SPATA6L: variants seen among roughly 807,000 people sequenced by gnomAD.
The protein encoded by SPATA6L is spermatogenesis associated 6 like.
Under a neutral mutation model 49.2 loss-of-function variants are expected in SPATA6L, and 68 were observed. The ratio of observed to expected loss-of-function variants is 1.38; its 90% CI spans 1.14 to 1.69. The LOEUF is 1.69. Among genes scored for constraint, SPATA6L ranks in the 40% most tolerant of loss-of-function variants. The probability of loss-of-function intolerance (pLI) is 0.00; values close to 1 mark genes in which losing one functional copy is unlikely to be tolerated. For synonymous variants in SPATA6L, 198 were observed against 165.7 expected (o/e 1.19, Z -1.50); for missense variants, 668 against 464.3 (o/e 1.44, Z -4.03).
In SPATA6L at chr9:4,598,947, G is replaced by C. The variant is rs1210632512; in HGVS notation, c.*1864C>G. 1.3e-5 allele frequency among the ~76,000 whole-genome samples: 2 copies of C among 152,130 alleles called. No homozygotes were observed. The highest frequency in any genetic ancestry group is 2.4e-5 in the African/African-American group (1 of 41,414). On this transcript the variant is annotated 3_prime_UTR_variant, in exon 12 of 12. Transcript: ENST00000682582. ...GAGTCTCCCTTATCTTCAGTGCTTG[G>C]GACTGACCAGAAGTATTTTAAACTT...
chr9:4,655,895 T>C (rs562515325), intron 3 of SPATA6L, 146 bp downstream of exon 3: 31 of 658,794 alleles, frequency 4.7e-5, no homozygotes, highest in African/African-American at 3.7e-4. Context: ...GAATCAAAAA[T>C]GTGATTCAAA....
intron 9 of SPATA6L, among the ~76,000 whole-genome samples, chr9:4,607,456 C>T (rs1485388691): frequency 6.6e-6 from 1 of 152,172 alleles, no homozygotes; most frequent in African/African-American, 2.4e-5. Flanking sequence ...TTGGCAGAAA[C>T]CCTACAAGCC....
chr9:4,615,122 T>C (rs1299104212), intron 9 of SPATA6L, among the ~76,000 whole-genome samples: 3 of 151,974 alleles, frequency 2.0e-5, no homozygotes. Flanking sequence ...CATAAACCAA[T>C]CTTCTCTCCT....
downstream of SPATA6L, among the ~76,000 whole-genome samples, chr9:4,597,956 G>C (rs1391506387): frequency 6.6e-6 from 1 of 152,138 alleles, no homozygotes; most frequent in African/African-American, 2.4e-5. Flanking sequence ...CCTGGCATTT[G>C]GGTGCTAGGG....
rs1311805859 is a variant in SPATA6L, at chr9:4,629,769, G to GTGTGTGTGTGTATATATA, written c.352-602_352-601insTATATATACACACACACA. Among the ~76,000 whole-genome samples, 23 of 101,914 alleles carry GTGTGTGTGTGTATATATA rather than the reference G, an allele frequency of 2.3e-4. 1 individual carries two copies. In the South Asian group the frequency reaches 2.7e-3, roughly 12 times the overall value. 66.9% of individuals were successfully genotyped at this position (101,914 alleles called of 152,430 possible). A position where few individuals can be genotyped will look rare whatever the true frequency, so the allele number is the denominator to read the frequency against. On this transcript the variant is annotated intron_variant, in intron 4 of 11. Coordinates refer to ENST00000682582, the MANE Select transcript of SPATA6L (RefSeq NM_001353486.2). ...GTGTTTTATATATGTGTGTGTGTGT[G>GTGTGTGTGTGTATATATA]TATATATATATATATATATATATAT... is the stretch of plus-strand genomic sequence containing the variant.
intron 3 of SPATA6L, among the ~76,000 whole-genome samples, chr9:4,641,784 T>C (rs1834090622): frequency 6.6e-6 from 1 of 152,224 alleles, no homozygotes; most frequent in Admixed American, 6.5e-5. Flanking sequence ...TTCTGTTTTG[T>C]TTTGTTGAGA....
chr9:4,646,537 G>T, intron 3 of SPATA6L: 1 of 1,485,184 alleles, frequency 6.7e-7, no homozygotes, highest in Non-Finnish European at 9.0e-7. Context: ...GCCTAAAAAG[G>T]AAAAAATGAG....
At chr9:4,657,405 A>G (rs1209523313) in intron 2 of SPATA6L, among the ~76,000 whole-genome samples, 2 of 152,150 alleles carry the variant, frequency 1.3e-5, no homozygotes, top group African/African-American at 4.8e-5. Context: ...TCAGAATGTG[A>G]CCTTAGTTTG....
At position 4,622,416 on chromosome 9, in the gene SPATA6L, G is replaced by T. The variant is rs376189255; in HGVS notation, c.764C>A (p.Thr255Lys). The change falls in exon 7 of 12, where the codon ACG (threonine) becomes AAG (lysine). Residue 255 changes from threonine to lysine, a missense_variant. Thr to Lys is a moderately conservative substitution (Grantham distance 78). Coordinates refer to ENST00000682582, the MANE Select transcript of SPATA6L (RefSeq NM_001353486.2). ...ACAAGAAACTCGAGTACCTCTTCTC[G>T]TTGGAAACGGAAAGTCTGAAAACTT... ...KSKFSDFPFP[T>K]RRASSLDSLA... The T allele has an allele frequency of 1.9e-6, 3 of 1,607,308 alleles. No homozygotes were observed. The highest frequency in any genetic ancestry group is 1.7e-5 in the Admixed American group (1 of 59,964).
intron 6 of SPATA6L, among the ~76,000 whole-genome samples, chr9:4,623,214 A>G (rs539695638): frequency 6.6e-6 from 1 of 152,320 alleles, no homozygotes; most frequent in Non-Finnish European, 1.5e-5. Context: ...CGGGAGGCGA[A>G]GATTGCGGTG....
chr9:4,638,771 T>C (rs1833385426), intron 3 of SPATA6L, among the ~76,000 whole-genome samples: 1 of 138,802 alleles, frequency 7.2e-6, no homozygotes, highest in South Asian at 2.2e-4. Flanking sequence ...AACTCTTTTC[T>C]TTTCTTTTCT....
In SPATA6L at chr9:4,666,345, A is replaced by G; in HGVS notation, c.-95T>C. 1.5e-6 allele frequency: 2 copies of G among 1,347,760 alleles called. No homozygotes were observed. The highest frequency in any genetic ancestry group is 2.1e-6 in the Non-Finnish European group (2 of 946,672). 83.5% of individuals were successfully genotyped at this position (1,347,760 alleles called of 1,614,324 possible). ...TTAGTTTAGCTGAATACCTAGAGCAAATGTTCCCAGAAGCTTCCCCAGTCC... is the reference window on the plus strand; with the variant it reads ...TTAGTTTAGCTGAATACCTAGAGCAGATGTTCCCAGAAGCTTCCCCAGTCC... On this transcript the variant is annotated 5_prime_UTR_variant, in exon 1 of 12. Transcript: ENST00000682582.
rs1008778691 is a variant in SPATA6L, at chr9:4,625,252, T to C, written c.669+75A>G. ...AATATTATTCATTTGTTGTTATAAC[T>C]CAACCTTCCTTTCTTCCACCCTCAT... On this transcript the variant is annotated intron_variant, in intron 6 of 11. Transcript: ENST00000682582. The C allele has an allele frequency of 8.6e-6, 13 of 1,514,732 alleles. No individual in the cohort carries two copies. The African/African-American group carries it at 1.4e-4, about 16-fold the overall frequency. The allele number at this position is 1,514,732 out of a possible 1,614,324, so 93.8% of individuals were successfully genotyped here.
rs893945153 is a variant in SPATA6L at position 4,598,354 on chromosome 9, G to T, written c.*2457C>A. 3.9e-5 allele frequency among the ~76,000 whole-genome samples: 6 copies of T among 152,180 alleles called. No homozygotes were observed. Among genetic ancestry groups the T allele is most frequent in the African/African-American group, 1.4e-4 (6 of 41,440 alleles). ...GTTTAATGACACAGATCTTCCCAAA[G>T]TAATCCAAACCCCAAAACATCACAA... On this transcript the variant is annotated 3_prime_UTR_variant, in exon 12 of 12. Coordinates refer to ENST00000682582, the MANE Select transcript of SPATA6L (RefSeq NM_001353486.2).
chr9:4,637,447 C>A (rs182484509), intron 3 of SPATA6L, among the ~76,000 whole-genome samples: 3 of 152,162 alleles, frequency 2.0e-5, no homozygotes, highest in Admixed American at 6.6e-5. Context: ...TGTATTTATT[C>A]GTGATCTGCT....
intron 3 of SPATA6L, among the ~76,000 whole-genome samples, chr9:4,648,112 G>A (rs1056946414): frequency 1.3e-5 from 2 of 152,034 alleles, no homozygotes; most frequent in African/African-American, 4.8e-5. Flanking sequence ...TGGGATTACA[G>A]ATATAAGCCA....
At chr9:4,646,519 G>T in intron 3 of SPATA6L, 1 of 1,500,254 alleles carries the variant, frequency 6.7e-7, no homozygotes, top group African/African-American at 1.4e-5. Flanking sequence ...TTCAAACCTG[G>T]CTAGGAAGCC....
chr9:4,589,067 A>G (rs536812047), intron 13 of SPATA6L: 20 of 152,348 alleles, frequency 1.3e-4, no homozygotes, highest in African/African-American at 4.8e-4. Flanking sequence ...GCAAGGGACT[A>G]TGGAACACGA....
chr9:4,611,836 A>G (rs1826825600), intron 9 of SPATA6L, among the ~76,000 whole-genome samples: 1 of 152,180 alleles, frequency 6.6e-6, no homozygotes, highest in Non-Finnish European at 1.5e-5. Context: ...AAAAAATTTT[A>G]ATATAAAATT....
Sources: allele counts gnomAD v4.1 joint callset (sites outside exome capture counted in the v4.1 genomes callset), GRCh38; gene constraint gnomAD v4.1.1; transcripts MANE v1.5; gene names NCBI Gene and HGNC (gene_info 2026-07-23, HGNC 2026-07-21).